The following ETF1 variants were observed in gnomAD, a reference collection of about 807,000 sequenced individuals.
The protein encoded by ETF1 is eukaryotic translation termination factor 1, also known as eukaryotic peptide chain release factor subunit 1.
ETF1 carries 4 observed loss-of-function variants against 55.1 expected under a neutral mutation model. That is an observed-to-expected ratio of 0.07 (90% CI 0.04 to 0.17). The LOEUF is 0.17. Ranked by LOEUF, ETF1 falls within the 10% of genes least tolerant of loss-of-function variation. The pLI is 1.00. For synonymous variants in ETF1, 157 were observed against 182.3 expected, an observed-to-expected ratio of 0.86 and a Z score of 1.12; for missense variants, 142 against 523.6, an observed-to-expected ratio of 0.27 and a Z score of 7.11.
chr5:138,538,778 C>T (rs1363803594), intron 2 of ETF1, among the ~76,000 whole-genome samples: 1 of 152,026 alleles, frequency 6.6e-6, no homozygotes, highest in African/African-American at 2.4e-5. Flanking sequence ...GGTACTCAAA[C>T]ACATCCAACA....
At position 138,523,331 on chromosome 5, in the gene ETF1, C is replaced by T. The variant is rs182885720; in HGVS notation, c.87-4464G>A. Among the ~76,000 whole-genome samples, 304 of 152,188 alleles carry T rather than the reference C, an allele frequency of 2.0e-3. 2 individuals are homozygous for T. The highest frequency in any genetic ancestry group is 6.9e-3 in the African/African-American group (287 of 41,524). On this transcript the variant is annotated intron_variant, in intron 2 of 10. Coordinates refer to ENST00000360541, the MANE Select transcript of ETF1 (RefSeq NM_004730.4). Reference sequence around the variant, plus strand: ...GCAATGAGCCGAGATAGAGCCACTGCACTGCAGCCTGGATGACAGAGCTAG... The same window carrying T: ...GCAATGAGCCGAGATAGAGCCACTGTACTGCAGCCTGGATGACAGAGCTAG...
intron 2 of ETF1, among the ~76,000 whole-genome samples, chr5:138,532,605 T>C (rs183967899): frequency 1.2e-4 from 19 of 152,234 alleles, no homozygotes; most frequent in Non-Finnish European, 2.2e-4. Flanking sequence ...TCAGATGGGG[T>C]TGAAGTCTTA....
chr5:138,509,853 C>A (rs1764693488), intron 9 of ETF1, among the ~76,000 whole-genome samples: 1 of 139,002 alleles, frequency 7.2e-6, no homozygotes, highest in Non-Finnish European at 1.5e-5. Flanking sequence ...CGAGATCACA[C>A]CACTGCACTC....
intron 2 of ETF1, among the ~76,000 whole-genome samples, chr5:138,520,247 T>G (rs984500038): frequency 6.7e-6 from 1 of 149,182 alleles, no homozygotes; most frequent in South Asian, 2.2e-4. Flanking sequence ...CAGTCAGAGA[T>G]GACAAAGGTG....
intron 2 of ETF1, among the ~76,000 whole-genome samples, chr5:138,521,730 A>C (rs901935561): frequency 6.6e-6 from 1 of 152,014 alleles, no homozygotes; most frequent in East Asian, 1.9e-4. Flanking sequence ...GGGTTTCACC[A>C]TGTTGGCCAG....
chr5:138,509,958 A>C (rs1026203394), intron 9 of ETF1, among the ~76,000 whole-genome samples: 2 of 149,958 alleles, frequency 1.3e-5, no homozygotes, highest in African/African-American at 4.9e-5. Context: ...TACTCAGTAG[A>C]CTGAGGCAGA....
Position 138,543,108 on chromosome 5 carries a change from G to C in ETF1, c.-30C>G, listed in dbSNP as rs1766257206. On this transcript the variant is annotated 5_prime_UTR_variant, in exon 1 of 11. Transcript: ENST00000360541. ...TCCCTGTGCCTTACCTAAGGGCCCA[G>C]TCCTGGGCGGCAGCGGCTGCTCCTC... is the stretch of plus-strand genomic sequence containing the variant. The C allele has an allele frequency of 1.6e-6, 1 of 621,882 alleles. No individual in the cohort carries two copies. The highest frequency in any genetic ancestry group is 1.9e-5 in the African/African-American group (1 of 52,860). The allele number at this position is 621,882 out of a possible 1,614,324, so 38.5% of individuals were successfully genotyped here.
At chr5:138,537,296 G>A (rs1765976323) in intron 2 of ETF1, among the ~76,000 whole-genome samples, 1 of 152,040 alleles carries the variant, frequency 6.6e-6, no homozygotes, top group South Asian at 2.1e-4. Flanking sequence ...TAATAATACA[G>A]TTCTCCATTA....
chr5:138,538,518 AAC>A (rs1166712497), intron 2 of ETF1, among the ~76,000 whole-genome samples: 1 of 152,174 alleles, frequency 6.6e-6, no homozygotes, highest in Non-Finnish European at 1.5e-5. Flanking sequence ...TTGTCTAACC[AAC>A]AGTTTGGGGG....
At chr5:138,512,591 A>G (rs1397311233) in intron 6 of ETF1, 173 bp downstream of exon 6, 1 of 523,498 alleles carries the variant, frequency 1.9e-6, no homozygotes. Context: ...AGGGGTTCAG[A>G]AAAGCACAGG....
At chr5:138,541,674 C>A (rs1246046848) in intron 2 of ETF1, 3 of 1,481,234 alleles carry the variant, frequency 2.0e-6, no homozygotes, top group South Asian at 1.3e-5. Context: ...GTGCTGAAAT[C>A]AACTTTTCAC....
intron 4 of ETF1, among the ~76,000 whole-genome samples, chr5:138,515,989 A>T (rs1470049919): frequency 6.6e-6 from 1 of 152,192 alleles, no homozygotes; most frequent in African/African-American, 2.4e-5. Flanking sequence ...GTTTTTCCCT[A>T]GGTTGATGAA....
chr5:138,518,969 T>A, intron 2 of ETF1, 102 bp from the exon 3 acceptor site: 1 of 1,544,452 alleles, frequency 6.5e-7, no homozygotes. Flanking sequence ...CCCAAAGTTA[T>A]GGAAACAGGT....
At position 138,543,102 on chromosome 5, in the gene ETF1, G is replaced by A; in HGVS notation, c.-24C>T. ...TTTCCCTCCCTGTGCCTTACCTAAG[G>A]GCCCAGTCCTGGGCGGCAGCGGCTG... On this transcript the variant is annotated 5_prime_UTR_variant, in exon 1 of 11. Transcript: ENST00000360541. 1.6e-6 allele frequency: 1 copy of A among 643,390 alleles called. No homozygotes were observed. Among genetic ancestry groups the A allele is most frequent in the Non-Finnish European group, 2.6e-6 (1 of 378,172 alleles). 39.9% of individuals were successfully genotyped at this position (643,390 alleles called of 1,614,324 possible).
intron 5 of ETF1, 40 bp downstream of exon 5, chr5:138,513,528 G>C: frequency 6.6e-7 from 1 of 1,517,808 alleles, no homozygotes; most frequent in African/African-American, 1.4e-5. Context: ...CTTATTGCTA[G>C]ACACAAAGTA....
intron 7 of ETF1, 28 bp from the exon 8 acceptor site, chr5:138,511,228 A>G: frequency 6.2e-7 from 1 of 1,610,020 alleles, no homozygotes; most frequent in Non-Finnish European, 8.5e-7. Flanking sequence ...TCAACAGGAT[A>G]TATATTAAAG....
At chr5:138,533,090 C>G (rs2127121298) in intron 2 of ETF1, among the ~76,000 whole-genome samples, 1 of 152,162 alleles carries the variant, frequency 6.6e-6, no homozygotes, top group African/African-American at 2.4e-5. Context: ...CAGACACGGA[C>G]CACCACGCCT....
At chr5:138,517,797 C>A in intron 3 of ETF1, 97 bp from the exon 4 acceptor site, 1 of 1,320,534 alleles carries the variant, frequency 7.6e-7, no homozygotes, top group South Asian at 2.6e-5. Context: ...CCTGCCTGAT[C>A]CTTTAAGTCA....
At chr5:138,524,657 A>G (rs1310348808) in intron 2 of ETF1, among the ~76,000 whole-genome samples, 1 of 133,862 alleles carries the variant, frequency 7.5e-6, no homozygotes, top group African/African-American at 2.9e-5. Context: ...GGCTCACTGT[A>G]GCCTCTGCCT....
Sources: gnomAD v4.1 joint callset for allele counts (sites outside exome capture counted in the v4.1 genomes callset) on GRCh38, gnomAD v4.1.1 for gene constraint, MANE v1.5 for transcripts, NCBI Gene and HGNC (gene_info 2026-07-23, HGNC 2026-07-21) for gene names.